GSE1: variants seen among roughly 807,000 people sequenced by gnomAD.
GSE1 encodes genetic suppressor element 1.
In GSE1, 32 loss-of-function variants were observed where a neutral mutation model predicts 112.6. That is an observed-to-expected ratio of 0.28 (90% CI 0.21 to 0.38). GSE1 has a LOEUF of 0.38. Among genes scored for constraint, GSE1 ranks in the 10% least tolerant of loss-of-function variants. GSE1 has a pLI of 1.00. For missense variants in GSE1, 2,348 were observed against 1,699.2 expected, an observed-to-expected ratio of 1.38 and a Z score of -6.71; for synonymous variants, 1,115 against 735.6, an observed-to-expected ratio of 1.52 and a Z score of -8.35.
chr16:85,169,755 G>C, exon 1 of GSE1: 1 of 984,046 alleles, frequency 1.0e-6, no homozygotes, highest in Non-Finnish European at 1.2e-6. Flanking sequence ...CGCGCGAGCT[G>C]TCCCCGGCCG....
intron 2 of GSE1, among the ~76,000 whole-genome samples, chr16:85,482,344 T>C (rs1211866812): frequency 6.6e-6 from 1 of 152,120 alleles, no homozygotes; most frequent in Non-Finnish European, 1.5e-5. Flanking sequence ...AGGGCGTGGG[T>C]GCTTCAAGCT....
At position 85,670,996 on chromosome 16, in the gene GSE1, G is replaced by C. The variant is rs936974340; in HGVS notation, c.3417G>C (p.Glu1139Asp). The C allele has an allele frequency of 6.2e-7, 1 of 1,602,124 alleles. No individual in the cohort carries two copies. Among genetic ancestry groups the C allele is most frequent in the African/African-American group, 1.3e-5 (1 of 74,626 alleles). Reference sequence around the variant, plus strand: ...CATCACCATCTCCTGTCTTTTCAGAGCAAAATCTGGAGCGGCAGGTGTTAC... The same window carrying C: ...CATCACCATCTCCTGTCTTTTCAGACCAAAATCTGGAGCGGCAGGTGTTAC... ...VFEAYQEHIE[E>D]QNLERQVLQT... is the part of the protein sequence containing the mutation. The change falls in exon 15 of 16, where the codon GAG becomes GAC. Residue 1139 changes from glutamate to aspartate, a missense_variant and splice_region_variant. By Grantham distance (45) the Glu-to-Asp change is conservative. Coordinates refer to ENST00000253458, the MANE Select transcript of GSE1 (RefSeq NM_014615.5).
At chr16:85,572,488 C>T (rs1320401465) in intron 1 of GSE1, among the ~76,000 whole-genome samples, 1 of 149,982 alleles carries the variant, frequency 6.7e-6, no homozygotes, top group Non-Finnish European at 1.5e-5. Flanking sequence ...ACACCACATG[C>T]ACACAACCAC....
chr16:85,325,445 G>GT (rs1464908609), intron 1 of GSE1, among the ~76,000 whole-genome samples: 1 of 149,354 alleles, frequency 6.7e-6, no homozygotes, highest in East Asian at 1.9e-4. Context: ...GTATTTTTCA[G>GT]TAAAAAAAAA....
At chr16:85,597,694 C>T (rs1398234418) in intron 1 of GSE1, among the ~76,000 whole-genome samples, 3 of 152,142 alleles carry the variant, frequency 2.0e-5, no homozygotes, top group Non-Finnish European at 2.9e-5. Flanking sequence ...TGGTCTCAAA[C>T]TCTTGGGCTC....
chr16:85,655,926 G>A lies in GSE1; in HGVS notation c.989+9G>A, dbSNP rs374303810. 59 of 1,591,666 alleles carry A rather than the reference G, an allele frequency of 3.7e-5. No individual in the cohort carries two copies. Among genetic ancestry groups the A allele is most frequent in the Non-Finnish European group, 4.9e-5 (57 of 1,174,674 alleles). ...GGCCTCAGCGCGGAGAGGTAAGTGC[G>A]TCTCGAGCCGAGGAGCCCCTCTGCC... is the stretch of plus-strand genomic sequence containing the variant. On this transcript the variant is annotated intron_variant, in intron 6 of 15. Coordinates refer to ENST00000253458, the MANE Select transcript of GSE1 (RefSeq NM_014615.5).
intron 1 of GSE1, chr16:85,594,141 C>G (rs1461936964): frequency 6.6e-6 from 1 of 151,082 alleles, no homozygotes; most frequent in South Asian, 2.1e-4. Flanking sequence ...CAGGGCTGCC[C>G]AAGGCCTGGC....
intron 2 of GSE1, among the ~76,000 whole-genome samples, chr16:85,459,472 C>T (rs1054938978): frequency 2.6e-5 from 4 of 152,246 alleles, no homozygotes; most frequent in Non-Finnish European, 5.9e-5. Flanking sequence ...CAGCCCTTTT[C>T]CCTGGGCTCT....
intron 1 of GSE1, among the ~76,000 whole-genome samples, chr16:85,221,261 G>A (rs936616910): frequency 4.6e-5 from 7 of 151,970 alleles, no homozygotes; most frequent in Non-Finnish European, 1.0e-4. Flanking sequence ...CGGCTGGTTT[G>A]CCAGGGAGGT....
At chr16:85,425,013 G>A (rs1053704906) in intron 2 of GSE1, among the ~76,000 whole-genome samples, 3 of 152,278 alleles carry the variant, frequency 2.0e-5, no homozygotes, top group African/African-American at 7.2e-5. Flanking sequence ...GAGGGCCAGG[G>A]TGGAGAGCAA....
intron 1 of GSE1, among the ~76,000 whole-genome samples, chr16:85,257,874 C>T (rs531298487): frequency 3.8e-4 from 58 of 152,334 alleles, no homozygotes; most frequent in Non-Finnish European, 6.8e-4. Context: ...GTATCTGGGA[C>T]GCTCTGTCAT....
At chr16:85,212,591 A>G (rs1351363748) in intron 1 of GSE1, among the ~76,000 whole-genome samples, 1 of 152,124 alleles carries the variant, frequency 6.6e-6, no homozygotes, top group East Asian at 1.9e-4. Context: ...GGAGACATCC[A>G]CCCTGCCCAC....
At chr16:85,641,831 C>T (rs2050474917) in intron 2 of GSE1, among the ~76,000 whole-genome samples, 1 of 152,362 alleles carries the variant, frequency 6.6e-6, no homozygotes, top group African/African-American at 2.4e-5. Flanking sequence ...CTGGCGGCTT[C>T]CTGTGGCTCC....
chr16:85,521,156 G>A (rs1239231498), intron 2 of GSE1, among the ~76,000 whole-genome samples: 1 of 152,174 alleles, frequency 6.6e-6, no homozygotes, highest in Non-Finnish European at 1.5e-5. Context: ...TTGGACTCCT[G>A]ACCACCGATT....
At chr16:85,428,921 G>A (rs1446537160) in intron 2 of GSE1, among the ~76,000 whole-genome samples, 4 of 152,152 alleles carry the variant, frequency 2.6e-5, no homozygotes, top group Non-Finnish European at 5.9e-5. Context: ...TGTGGCCACC[G>A]TCCTGGGCAG....
chr16:85,629,057 C>G (rs946122090), intron 1 of GSE1, among the ~76,000 whole-genome samples: 5 of 152,292 alleles, frequency 3.3e-5, no homozygotes, highest in Admixed American at 3.3e-4. Context: ...AAGCCTGGGA[C>G]CTCCCCACTC....
chr16:85,399,810 C>G (rs1439656813), intron 2 of GSE1, among the ~76,000 whole-genome samples: 1 of 152,198 alleles, frequency 6.6e-6, no homozygotes, highest in Non-Finnish European at 1.5e-5. Flanking sequence ...TAGAAGAGCC[C>G]CTGGCAGGTG....
chr16:85,267,852 C>G (rs1176878999), intron 1 of GSE1, among the ~76,000 whole-genome samples: 1 of 152,180 alleles, frequency 6.6e-6, no homozygotes, highest in Non-Finnish European at 1.5e-5. Context: ...AGCCATGGAA[C>G]CAGATGCCAG....
At chr16:85,400,095 C>T (rs777034075) in intron 2 of GSE1, among the ~76,000 whole-genome samples, 2 of 152,238 alleles carry the variant, frequency 1.3e-5, no homozygotes, top group Admixed American at 6.5e-5. Flanking sequence ...CTGACACCTG[C>T]GTCTTCGCCG....
Sources: allele counts gnomAD v4.1 joint callset (sites outside exome capture counted in the v4.1 genomes callset), GRCh38; gene constraint gnomAD v4.1.1; transcripts MANE v1.5; gene names NCBI Gene and HGNC (gene_info 2026-07-23, HGNC 2026-07-21).